The following CNTNAP2 variants were observed in gnomAD, a reference collection of about 807,000 sequenced individuals.
CNTNAP2 encodes contactin-associated protein-like 2.
A neutral mutation model predicts 155.2 loss-of-function variants in CNTNAP2; 98 were observed. That is an observed-to-expected ratio of 0.63 (90% confidence interval 0.54 to 0.75). The LOEUF (loss-of-function observed/expected upper bound fraction) is 0.75. Ranked by LOEUF, CNTNAP2 falls within the 30% of genes least tolerant of loss-of-function variation. The pLI, the probability that CNTNAP2 is intolerant of heterozygous loss-of-function variation, is 0.00. For synonymous variants in CNTNAP2, 651 were observed against 631.2 expected, an observed-to-expected ratio of 1.03 and a Z score of -0.47; for missense variants, 1,727 against 1,688.1, an observed-to-expected ratio of 1.02 and a Z score of -0.40.
At chr7:146,290,666 G>A (rs1425201620) in intron 1 of CNTNAP2, among the ~76,000 whole-genome samples, 1 of 152,148 alleles carries the variant, frequency 6.6e-6, no homozygotes, top group Non-Finnish European at 1.5e-5. Flanking sequence ...GCGTGTATTT[G>A]GGAATCAGAA....
intron 9 of CNTNAP2, among the ~76,000 whole-genome samples, chr7:147,375,492 A>C (rs11972997): frequency 0.22 from 33,003 of 151,854 alleles, 4,347 homozygotes; most frequent in African/African-American, 0.37. Context: ...TCTGATAATT[A>C]CTCTTGCAAT....
chr7:147,075,175 T>C (rs965666156), intron 4 of CNTNAP2, among the ~76,000 whole-genome samples: 6 of 152,194 alleles, frequency 3.9e-5, no homozygotes, highest in Admixed American at 3.9e-4. Flanking sequence ...ATGAATCTCA[T>C]TTTATAAATA....
intron 1 of CNTNAP2, among the ~76,000 whole-genome samples, chr7:146,725,763 G>A (rs540772189): frequency 4.6e-5 from 7 of 152,068 alleles, no homozygotes; most frequent in Non-Finnish European, 7.4e-5. Context: ...CTCAGCATGC[G>A]GGAGGAACAT....
At chr7:146,950,301 C>CT (rs1236407361) in intron 3 of CNTNAP2, among the ~76,000 whole-genome samples, 3 of 151,916 alleles carry the variant, frequency 2.0e-5, no homozygotes, top group Non-Finnish European at 2.9e-5. Flanking sequence ...CAGACAATTA[C>CT]TTTTCTTTCT....
chr7:148,331,802 A>G (rs67995846), intron 21 of CNTNAP2, among the ~76,000 whole-genome samples: 8 of 19,606 alleles, frequency 4.1e-4, no homozygotes, highest in East Asian at 2.3e-3. Flanking sequence ...GATGGATAGA[A>G]TGGCCTCCTC....
rs184535273 is a variant in CNTNAP2 at position 148,054,985 on chromosome 7, C to T, written c.2384-63133C>T. Among the ~76,000 whole-genome samples, 215 of 151,440 alleles carry T rather than the reference C, an allele frequency of 1.4e-3. 1 individual carries two copies. Among genetic ancestry groups the T allele is most frequent in the African/African-American group, 5.0e-3 (206 of 41,246 alleles). On this transcript the variant is annotated intron_variant, in intron 15 of 23. Transcript: ENST00000361727. ...GCAACCTCTTCCTCCCTGGTTCAAGCGATTCTCCTGCCTCAGCCTCCCAAG... is the reference window on the plus strand; with the variant it reads ...GCAACCTCTTCCTCCCTGGTTCAAGTGATTCTCCTGCCTCAGCCTCCCAAG...
chr7:147,113,435 T>A (rs1269697894), intron 5 of CNTNAP2, among the ~76,000 whole-genome samples: 1 of 150,894 alleles, frequency 6.6e-6, no homozygotes, highest in Non-Finnish European at 1.5e-5. Context: ...CAAGACTGAG[T>A]GATTTATTAA....
chr7:147,441,554 G>A (rs1244199362), intron 10 of CNTNAP2, among the ~76,000 whole-genome samples: 1 of 152,030 alleles, frequency 6.6e-6, no homozygotes, highest in African/African-American at 2.4e-5. Context: ...GAGGAATTAG[G>A]TATTTATTGT....
chr7:147,739,164 TAGG>T (rs1322131088), intron 13 of CNTNAP2, among the ~76,000 whole-genome samples: 2 of 150,320 alleles, frequency 1.3e-5, no homozygotes, highest in Admixed American at 6.7e-5. Flanking sequence ...TTTTCTTAAA[TAGG>T]AGAATACTAT....
chr7:146,688,083 G>C (rs1366870744), intron 1 of CNTNAP2, among the ~76,000 whole-genome samples: 6 of 152,156 alleles, frequency 3.9e-5, no homozygotes, highest in Non-Finnish European at 7.4e-5. Flanking sequence ...CCCTAAGCTA[G>C]TATTGACCCC....
At chr7:147,721,520 C>G (rs1017721549) in intron 13 of CNTNAP2, among the ~76,000 whole-genome samples, 1 of 152,134 alleles carries the variant, frequency 6.6e-6, no homozygotes, top group East Asian at 1.9e-4. Context: ...TTCCTGTGTC[C>G]TCCAGGCTGA....
intron 1 of CNTNAP2, among the ~76,000 whole-genome samples, chr7:146,341,219 G>A (rs1445472208): frequency 6.6e-6 from 1 of 152,016 alleles, no homozygotes; most frequent in African/African-American, 2.4e-5. Context: ...CAGATTATAA[G>A]TCCTAAATGA....
At chr7:147,098,245 C>T (rs1054133331) in intron 4 of CNTNAP2, among the ~76,000 whole-genome samples, 6 of 152,180 alleles carry the variant, frequency 3.9e-5, no homozygotes, top group Non-Finnish European at 8.8e-5. Context: ...TCATTACACA[C>T]ATGGGCCCTC....
chr7:147,866,690 C>G (rs1005987777), intron 13 of CNTNAP2, among the ~76,000 whole-genome samples: 1 of 151,644 alleles, frequency 6.6e-6, no homozygotes, highest in African/African-American at 2.4e-5. Context: ...GCCTTCTTTG[C>G]CTCTTTTGAT....
intron 1 of CNTNAP2, among the ~76,000 whole-genome samples, chr7:146,711,706 CATATATA>C: frequency 6.9e-6 from 1 of 145,604 alleles, no homozygotes; most frequent in Non-Finnish European, 1.5e-5. Flanking sequence ...CTTATGTATA[CATATATA>C]GTATACACAT....
intron 1 of CNTNAP2, among the ~76,000 whole-genome samples, chr7:146,665,783 T>TAAAAAAACAAAAAAAAAAACAAAAA (rs1554464843): frequency 2.1e-5 from 1 of 48,280 alleles, no homozygotes; most frequent in African/African-American, 1.1e-4. Flanking sequence ...TCTGTCTCAT[T>TAAAAAAACAAAAAAAAAAACAAAAA]AAAAAAAAAA....
intron 11 of CNTNAP2, among the ~76,000 whole-genome samples, chr7:147,533,610 AAAT>A (rs1799483102): frequency 6.6e-6 from 1 of 152,106 alleles, no homozygotes; most frequent in African/African-American, 2.4e-5. Flanking sequence ...AAAAAAAAAA[AAAT>A]ACTTACTTGG....
In CNTNAP2 at chr7:146,875,674, C is replaced by CGG. The variant is rs113206384; in HGVS notation, c.402+35776_402+35777dup. Among the ~76,000 whole-genome samples, 269 of 151,164 alleles carry CGG rather than the reference C, an allele frequency of 1.8e-3. 1 individual carries two copies. The highest frequency in any genetic ancestry group is 0.014 in the South Asian group (66 of 4,774). On this transcript the variant is annotated intron_variant, in intron 3 of 23. Transcript: ENST00000361727. The stretch of plus-strand genomic sequence containing the variant: ...CTCCTAAGAGGCAGTTTGCTTTTGG[C>CGG]GGGGGGGCAAAGCCAGTTAGGAAAT...
Position 147,829,351 on chromosome 7 carries a change from C to T in CNTNAP2, c.2099-74214C>T, listed in dbSNP as rs540824340. Among the ~76,000 whole-genome samples, 46 of 152,144 alleles carry T rather than the reference C, an allele frequency of 3.0e-4. No individual in the cohort carries two copies. In the South Asian group the frequency reaches 4.6e-3, roughly 15 times the overall value. On this transcript the variant is annotated intron_variant, in intron 13 of 23. Transcript: ENST00000361727. ...GAACTCAAGTAGACAACTGAGTTAC[C>T]GGGAAATTAATACGAGCTCACACTT...
Sources: gnomAD v4.1 joint callset for allele counts (sites outside exome capture counted in the v4.1 genomes callset) on GRCh38, gnomAD v4.1.1 for gene constraint, MANE v1.5 for transcripts, NCBI Gene and HGNC (gene_info 2026-07-23, HGNC 2026-07-21) for gene names.